Variants in NAALADL1 observed in about 807,000 individuals in gnomAD.
The protein encoded by NAALADL1 is N-acetylated alpha-linked acidic dipeptidase like 1.
A neutral mutation model predicts 82.8 loss-of-function variants in NAALADL1; 77 were observed. That is an observed-to-expected ratio of 0.93 (90% CI 0.77 to 1.12). The LOEUF is 1.12. NAALADL1 is among the 50% of genes most tolerant of loss of function. The probability of loss-of-function intolerance (pLI) is 0.00; values close to 1 mark genes in which losing one functional copy is unlikely to be tolerated. For missense variants in NAALADL1, 956 were observed against 964.0 expected, an observed-to-expected ratio of 0.99 and a Z score of 0.11; for synonymous variants, 358 against 399.2, an observed-to-expected ratio of 0.90 and a Z score of 1.23.
chr11:65,047,993 A>G lies in NAALADL1; in HGVS notation c.1404T>C (p.Ser468=), dbSNP rs1056751471. Residue 468 remains serine (S), a synonymous_variant, in exon 11 of 18, where the codon TCT becomes TCC. Coordinates refer to ENST00000358658, the MANE Select transcript of NAALADL1 (RefSeq NM_005468.3). ...GTPPVQSVVF[S]ATKEIRSPGP... ...TGCCCCCTTCCACCTCTTTGGTTGCAGAGAAGACGACGCTCTGGACAGGGG... is the reference window on the plus strand; with the variant it reads ...TGCCCCCTTCCACCTCTTTGGTTGCGGAGAAGACGACGCTCTGGACAGGGG... 4 of 1,598,930 alleles carry G rather than the reference A, an allele frequency of 2.5e-6. No individual in the cohort carries two copies. The highest frequency in any genetic ancestry group is 3.4e-6 in the Non-Finnish European group (4 of 1,174,432).
At chr11:65,051,652 T>C (rs976838722) in intron 8 of NAALADL1, among the ~76,000 whole-genome samples, 1 of 152,038 alleles carries the variant, frequency 6.6e-6, no homozygotes, top group African/African-American at 2.4e-5. Flanking sequence ...ATTTCTGAAC[T>C]GCGACATCAT....
rs756654505 is a variant in NAALADL1, at chr11:65,054,319, T to A, written c.923A>T (p.Gln308Leu). Residue 308 changes from glutamine to leucine, a missense_variant, in exon 6 of 18, where the codon CAG (glutamine) becomes CTG (leucine). Transcript: ENST00000358658. The surrounding 1 kb of genome is among the most constrained non-coding windows in gnomAD (Gnocchi z 4.3). ...CCTGTAGTGGCAGCCCAGTGCTCCC[T>A]GCCAGGTGGCTGGGGCCAAAGTTCC... ...LNGTLAPATW[Q>L]GALGCHYRLG... The A allele has an allele frequency of 2.5e-6, 4 of 1,614,092 alleles. No individual in the cohort carries two copies. The highest frequency in any genetic ancestry group is 3.4e-6 in the Non-Finnish European group (4 of 1,180,006).
Position 65,047,627 on chromosome 11 carries a change from C to T in NAALADL1, c.1508+20G>A. 1 of 1,593,194 alleles carries T rather than the reference C, an allele frequency of 6.3e-7. No homozygotes were observed. Among genetic ancestry groups the T allele is most frequent in the South Asian group, 1.1e-5 (1 of 87,358 alleles). On this transcript the variant is annotated intron_variant, in intron 12 of 17. Coordinates refer to ENST00000358658, the MANE Select transcript of NAALADL1 (RefSeq NM_005468.3). ...GGCCGGACCGCCTCGCTCCGGGCCC[C>T]CTTCTGTCCCTGGGCTTACCTGGGG... is the stretch of plus-strand genomic sequence containing the variant.
chr11:65,051,315 CTTTTTTTTTTTTTT>C (rs10535126), intron 8 of NAALADL1, among the ~76,000 whole-genome samples: 45 of 59,570 alleles, frequency 7.6e-4, no homozygotes, highest in South Asian at 1.4e-3. Flanking sequence ...TTCTTTCTTT[CTTTTTTTTTTTTTT>C]TTTTTTTTTT....
Position 65,047,750 on chromosome 11 carries a change from GA to G in NAALADL1, c.1417-13del, listed in dbSNP as rs747343553. 20 of 1,591,524 alleles carry G rather than the reference GA, an allele frequency of 1.3e-5. No individual in the cohort carries two copies. The highest frequency in any genetic ancestry group is 1.5e-5 in the Non-Finnish European group (18 of 1,170,220). On this transcript the variant is annotated splice_polypyrimidine_tract_variant and intron_variant, in intron 11 of 17. Coordinates refer to ENST00000358658, the MANE Select transcript of NAALADL1 (RefSeq NM_005468.3). ...CCTGGTGAGCGGATCTGGCCGGAAG[GA>G]GAATTTAGTCTCGGTGCGCGGCCCT...
chr11:65,048,437 T>G, intron 8 of NAALADL1, 52 bp from the exon 9 acceptor site: 1 of 1,595,770 alleles, frequency 6.3e-7, no homozygotes, highest in Non-Finnish European at 8.6e-7. Flanking sequence ...GATCCTAGGG[T>G]GCCTTAGGAG....
intron 8 of NAALADL1, among the ~76,000 whole-genome samples, chr11:65,050,133 T>C (rs900967496): frequency 3.3e-5 from 5 of 151,336 alleles, no homozygotes; most frequent in Admixed American, 3.3e-4. Flanking sequence ...ACCCCGGCCT[T>C]CCAAAGTGCT....
intron 11 of NAALADL1, 91 bp downstream of exon 11, chr11:65,047,890 A>G: frequency 1.4e-6 from 2 of 1,429,040 alleles, no homozygotes; most frequent in East Asian, 2.5e-5. Context: ...AGAGAGTACC[A>G]CTCCCCAGCC....
At chr11:65,057,760 T>C in intron 3 of NAALADL1, 115 bp downstream of exon 3, 1 of 1,492,110 alleles carries the variant, frequency 6.7e-7, no homozygotes, top group Non-Finnish European at 9.2e-7. Flanking sequence ...GGTGAGTAAA[T>C]TCCGGAGGGC....
At position 65,057,534 on chromosome 11, in the gene NAALADL1, G is replaced by A. The variant is rs571981537; in HGVS notation, c.481-41C>T. The stretch of plus-strand genomic sequence containing the variant: ...GGTGATCCTTAGAGCTGGGCCCAGC[G>A]AAGTGTGGGTGGGGAAGGGGGGTGG... On this transcript the variant is annotated intron_variant, in intron 3 of 17. Coordinates refer to ENST00000358658, the MANE Select transcript of NAALADL1 (RefSeq NM_005468.3). 3.3e-5 allele frequency: 52 copies of A among 1,586,820 alleles called. No individual in the cohort carries two copies. In the African/African-American group the frequency reaches 5.0e-4, roughly 15 times the overall value.
chr11:65,047,733 G>A lies in NAALADL1; in HGVS notation c.1422C>T (p.Arg474=), dbSNP rs1321647410. 1.9e-6 allele frequency: 3 copies of A among 1,600,872 alleles called. No individual in the cohort carries two copies. The highest frequency in any genetic ancestry group is 2.6e-6 in the Non-Finnish European group (3 of 1,174,822). ...SVVFSATKEI[R]SPGPGDLSIY... ...TGCTCAGGTCGCCAGGGCCTGGTGA[G>A]CGGATCTGGCCGGAAGGAGAATTTA... Residue 474 remains arginine (R), a synonymous_variant, in exon 12 of 18, where the codon CGC becomes CGT. Coordinates refer to ENST00000358658, the MANE Select transcript of NAALADL1 (RefSeq NM_005468.3).
chr11:65,052,534 G>A (rs1342543093), intron 8 of NAALADL1, among the ~76,000 whole-genome samples: 3 of 152,084 alleles, frequency 2.0e-5, no homozygotes, highest in East Asian at 1.9e-4. Flanking sequence ...GGCTGGTCTC[G>A]AACTCCTGAC....
In NAALADL1 at chr11:65,054,841, C is replaced by T. The variant is rs1375208668; in HGVS notation, c.604-103G>A. 9.2e-6 allele frequency: 13 copies of T among 1,411,676 alleles called. No individual in the cohort carries two copies. In the East Asian group the frequency reaches 3.1e-4, roughly 33 times the overall value. 87.4% of individuals were successfully genotyped at this position (1,411,676 alleles called of 1,614,324 possible). ...ACTGTGGAAGCCAGGATAGACCAATCTTCCATGGGCAAGATGACGTTTGCA... is the reference window on the plus strand; with the variant it reads ...ACTGTGGAAGCCAGGATAGACCAATTTTCCATGGGCAAGATGACGTTTGCA... On this transcript the variant is annotated intron_variant, in intron 4 of 17. Coordinates refer to ENST00000358658, the MANE Select transcript of NAALADL1 (RefSeq NM_005468.3). The surrounding 1 kb of genome is among the most constrained non-coding windows in gnomAD (Gnocchi z 4.3).
Position 65,048,216 on chromosome 11 carries a change from C to T in NAALADL1, c.1285-1G>A, listed in dbSNP as rs771505004. 7.4e-6 allele frequency: 12 copies of T among 1,613,854 alleles called. No individual in the cohort carries two copies. Among genetic ancestry groups the T allele is most frequent in the Admixed American group, 5.0e-5 (3 of 59,984 alleles). On this transcript the variant is annotated splice_acceptor_variant, in intron 9 of 17. Transcript: ENST00000358658. LOFTEE classifies it high-confidence loss of function. ...GCTCCTGCAGCTTGTTGAAGAACTC[C>T]TGCGGGTGCGAGGGGCGACGTCAGC...
rs1432337121 is a variant in NAALADL1, at chr11:65,048,227, AGGGGCGACGTCAGCCCCGCGCC to A, written c.1285-34_1285-13del. 6.2e-7 allele frequency: 1 copy of A among 1,612,992 alleles called. No homozygotes were observed. The highest frequency in any genetic ancestry group is 1.3e-5 in the African/African-American group (1 of 74,468). On this transcript the variant is annotated splice_polypyrimidine_tract_variant and intron_variant, in intron 9 of 17. Coordinates refer to ENST00000358658, the MANE Select transcript of NAALADL1 (RefSeq NM_005468.3). ...TTGTTGAAGAACTCCTGCGGGTGCGAGGGGCGACGTCAGCCCCGCGCCGTTCTGTCCTGGGAACCCCTTTCGA... is the reference window on the plus strand; with the variant it reads ...TTGTTGAAGAACTCCTGCGGGTGCGAGTTCTGTCCTGGGAACCCCTTTCGA...
rs1403790071 is a variant in NAALADL1 at position 65,045,274 on chromosome 11, G to GA, written c.2219dup (p.Ter741LeufsTer56). 6.2e-7 allele frequency: 1 copy of GA among 1,604,904 alleles called. No individual in the cohort carries two copies. The highest frequency in any genetic ancestry group is 1.1e-5 in the South Asian group (1 of 90,280). On this transcript the variant is annotated frameshift_variant, in exon 18 of 18. Coordinates refer to ENST00000358658, the MANE Select transcript of NAALADL1 (RefSeq NM_005468.3). LOFTEE classifies it high-confidence loss of function. ...GGCTGAAGAAAGAGGGCTGGGGTCA[G>GA]AGGTCAGCCACAGGCCTCAGGGTGG...
At position 65,046,197 on chromosome 11, in the gene NAALADL1, A is replaced by G; in HGVS notation, c.1847T>C (p.Ile616Thr). 1 of 1,614,130 alleles carries G rather than the reference A, an allele frequency of 6.2e-7. No individual in the cohort carries two copies. Among genetic ancestry groups the G allele is most frequent in the Non-Finnish European group, 8.5e-7 (1 of 1,180,028 alleles). Residue 616 changes from isoleucine to threonine, a missense_variant, in exon 15 of 18, where the codon ATC (isoleucine) becomes ACC (threonine). Physicochemically the swap from Ile to Thr is moderately conservative, Grantham distance 89. Coordinates refer to ENST00000358658, the MANE Select transcript of NAALADL1 (RefSeq NM_005468.3). ...GTCAGGGCTGTGCATACCCAGGCTG[A>G]TGCTGTGCTGCTCCAGCAGGGCCCC... ...DLGALLEQHS[I>T]SLGPLVTAVE...
At chr11:65,057,033 G>A (rs901116056) in intron 4 of NAALADL1, among the ~76,000 whole-genome samples, 6 of 152,192 alleles carry the variant, frequency 3.9e-5, no homozygotes, top group Admixed American at 1.3e-4. Flanking sequence ...CAGAATTTTT[G>A]ATGGAAAAGA....
chr11:65,050,303 C>G (rs931423588), intron 8 of NAALADL1, among the ~76,000 whole-genome samples: 9 of 151,498 alleles, frequency 5.9e-5, no homozygotes, highest in Non-Finnish European at 7.4e-5. Context: ...AAGGTGAAAC[C>G]CCATCTCTAC....
Sources: gnomAD v4.1 joint callset for allele counts (sites outside exome capture counted in the v4.1 genomes callset) on GRCh38, gnomAD v4.1.1 for gene constraint, Gnocchi (gnomAD v3.1) non-coding constraint, MANE v1.5 for transcripts, NCBI Gene and HGNC (gene_info 2026-07-23, HGNC 2026-07-21) for gene names.